CATSPERD: variants seen among roughly 807,000 people sequenced by gnomAD.
CATSPERD encodes catsper channel auxiliary subunit delta.
Under a neutral mutation model 98.1 loss-of-function variants are expected in CATSPERD, and 86 were observed. The ratio of observed to expected loss-of-function variants is 0.88; its 90% confidence interval spans 0.74 to 1.05. The LOEUF (loss-of-function observed/expected upper bound fraction) is 1.05, where lower values mean the gene tolerates loss of function less well. Among genes scored for constraint, CATSPERD ranks in the 50% least tolerant of loss-of-function variants. The pLI, the probability that CATSPERD is intolerant of heterozygous loss-of-function variation, is 0.00. For synonymous variants in CATSPERD, 394 were observed against 390.2 expected (o/e 1.01, Z -0.12); for missense variants, 995 against 1,005.7 (o/e 0.99, Z 0.14).
At chr19:5,725,434 C>T (rs1027364652) in intron 2 of CATSPERD, among the ~76,000 whole-genome samples, 7 of 152,074 alleles carry the variant, frequency 4.6e-5, no homozygotes, top group Admixed American at 2.0e-4. Flanking sequence ...TACAGACGTT[C>T]ACCACCGTGC....
chr19:5,729,749 T>C (rs1442915156), intron 3 of CATSPERD, 123 bp from the exon 4 acceptor site: 1 of 592,006 alleles, frequency 1.7e-6, no homozygotes, highest in African/African-American at 1.9e-5. Context: ...AAATTATATC[T>C]AAATGACTCC....
chr19:5,736,908 T>C (rs140006804), intron 5 of CATSPERD, among the ~76,000 whole-genome samples: 6,287 of 151,328 alleles, frequency 0.042, 329 homozygotes, highest in African/African-American at 0.11. Context: ...ATACAAAAAA[T>C]TAGCCGGGCG....
At chr19:5,776,688 A>G (rs2056747034) in intron 21 of CATSPERD, among the ~76,000 whole-genome samples, 1 of 152,112 alleles carries the variant, frequency 6.6e-6, no homozygotes, top group Admixed American at 6.6e-5. Flanking sequence ...AGCCTGGCCA[A>G]CCTGGTGAAA....
chr19:5,737,264 A>G, intron 6 of CATSPERD, 59 bp downstream of exon 6: 2 of 1,180,086 alleles, frequency 1.7e-6, no homozygotes, highest in Non-Finnish European at 2.5e-6. Context: ...ACAAATAATC[A>G]TGAGTAGACA....
chr19:5,768,267 C>T (rs767123568), intron 18 of CATSPERD, 25 bp downstream of exon 18: 14 of 1,603,604 alleles, frequency 8.7e-6, no homozygotes, highest in African/African-American at 1.3e-5. Flanking sequence ...CCCCGCAACA[C>T]CTGACACCCA....
chr19:5,770,995 C>T lies in CATSPERD; in HGVS notation c.1686C>T (p.His562=), dbSNP rs761355977. ...FQGQQSSEDL[H]VFYSYQQLGC... The stretch of plus-strand genomic sequence containing the variant: ...GGCAGCAGTCCTCCGAGGACCTGCA[C>T]GTGTTTTACTCCTACCAGCAGCTGG... Residue 562 remains histidine, a synonymous_variant, in exon 19 of 22, where the codon CAC becomes CAT. Coordinates refer to ENST00000381624, the MANE Select transcript of CATSPERD (RefSeq NM_152784.4). The T allele has an allele frequency of 9.3e-6, 15 of 1,613,972 alleles. No individual in the cohort carries two copies. Among genetic ancestry groups the T allele is most frequent in the East Asian group, 6.7e-5 (3 of 44,866 alleles).
intron 7 of CATSPERD, among the ~76,000 whole-genome samples, chr19:5,743,683 C>CCTCTCTCT (rs146743330): frequency 0.012 from 1,690 of 144,054 alleles, 19 homozygotes; most frequent in Non-Finnish European, 0.017. Context: ...TCTCTCTCTT[C>CCTCTCTCT]CTCTCTCTCT....
At position 5,756,051 on chromosome 19, in the gene CATSPERD, C is replaced by T. The variant is rs536118992; in HGVS notation, c.1279-1792C>T. ...ATCCCAGCACTTTGGGAGGCCAAGG[C>T]GGGCAGATTGCCTGAGGCCAGGAGT... On this transcript the variant is annotated intron_variant, in intron 13 of 21. Coordinates refer to ENST00000381624, the MANE Select transcript of CATSPERD (RefSeq NM_152784.4). Among the ~76,000 whole-genome samples, 5 of 151,946 alleles carry T rather than the reference C, an allele frequency of 3.3e-5. No homozygotes were observed. The East Asian group carries it at 5.8e-4, about 18-fold the overall frequency.
At chr19:5,759,435 G>A (rs1467348230) in intron 15 of CATSPERD, among the ~76,000 whole-genome samples, 1 of 151,526 alleles carries the variant, frequency 6.6e-6, no homozygotes, top group Non-Finnish European at 1.5e-5. Flanking sequence ...CGTAGTGGCA[G>A]GCACCTGTAA....
intron 15 of CATSPERD, among the ~76,000 whole-genome samples, chr19:5,762,058 A>ATATATTTTTTTTTT: frequency 4.8e-4 from 5 of 10,436 alleles, no homozygotes; most frequent in African/African-American, 1.6e-3. Flanking sequence ...ATATATATAT[A>ATATATTTTTTTTTT]TTTTTTTTTT....
intron 15 of CATSPERD, 116 bp downstream of exon 15, chr19:5,759,260 C>G: frequency 1.0e-6 from 1 of 967,032 alleles, no homozygotes; most frequent in Middle Eastern, 2.4e-4. Context: ...TAAAACAAGG[C>G]GATTACAACA....
intron 13 of CATSPERD, among the ~76,000 whole-genome samples, chr19:5,754,719 C>T (rs989367756): frequency 5.3e-5 from 8 of 151,706 alleles, no homozygotes; most frequent in Admixed American, 5.3e-4. Flanking sequence ...TCTTCCCCCT[C>T]GACGTGCCTC....
At chr19:5,736,722 C>G (rs1197725598) in intron 5 of CATSPERD, among the ~76,000 whole-genome samples, 1 of 151,618 alleles carries the variant, frequency 6.6e-6, no homozygotes, top group Admixed American at 6.6e-5. Context: ...GCCTGGATGA[C>G]AGAGGGGGAC....
intron 20 of CATSPERD, among the ~76,000 whole-genome samples, chr19:5,775,822 C>T (rs1486444495): frequency 6.6e-6 from 1 of 152,124 alleles, no homozygotes; most frequent in Non-Finnish European, 1.5e-5. Context: ...AGCATTCCTT[C>T]TGGGCGGCAG....
chr19:5,745,986 A>T lies in CATSPERD; in HGVS notation c.731A>T (p.Asp244Val). The change falls in exon 9 of 22, where the codon GAC becomes GTC. Residue 244 changes from aspartate (D) to valine (V), a missense_variant. Coordinates refer to ENST00000381624, the MANE Select transcript of CATSPERD (RefSeq NM_152784.4). ...TCTTTTGACTATAATGGGACTCTAG[A>T]CATCCTCATCGCCCCCGGCCAGAGA... Reference protein sequence around the residue: ...GLSFDYNGTLDILIAPGQRGI... With the variant: ...GLSFDYNGTLVILIAPGQRGI... 2.5e-6 allele frequency: 4 copies of T among 1,614,104 alleles called. No homozygotes were observed. Among genetic ancestry groups the T allele is most frequent in the Middle Eastern group, 1.7e-4 (1 of 6,054 alleles).
In CATSPERD at chr19:5,724,265, G is replaced by A. The variant is rs1374196801; in HGVS notation, c.72-543G>A. ...TTCAGTAGAGATGGGGTTTCACCAA[G>A]TTGGCCAGGTTGGTCTTGAACTGCT... is the stretch of plus-strand genomic sequence containing the variant. On this transcript the variant is annotated intron_variant, in intron 1 of 21. Coordinates refer to ENST00000381624, the MANE Select transcript of CATSPERD (RefSeq NM_152784.4). Among the ~76,000 whole-genome samples the A allele has an allele frequency of 5.9e-5, 9 of 151,832 alleles. 1 individual carries two copies. In the South Asian group the frequency reaches 8.4e-4, roughly 14 times the overall value.
chr19:5,778,682 G>A lies in CATSPERD; in HGVS notation c.*6G>A. 9 of 1,608,400 alleles carry A rather than the reference G, an allele frequency of 5.6e-6. No individual in the cohort carries two copies. The highest frequency in any genetic ancestry group is 6.8e-6 in the Non-Finnish European group (8 of 1,177,122). On this transcript the variant is annotated 3_prime_UTR_variant, in exon 22 of 22. Coordinates refer to ENST00000381624, the MANE Select transcript of CATSPERD (RefSeq NM_152784.4). ...GAGGCAGGTCTGACCACTGAGGCCGGTCCACAGGGTCCCAACCCCTTGTCT... is the reference window on the plus strand; with the variant it reads ...GAGGCAGGTCTGACCACTGAGGCCGATCCACAGGGTCCCAACCCCTTGTCT...
Position 5,751,672 on chromosome 19 carries a change from A to G in CATSPERD, c.1013A>G (p.Glu338Gly), listed in dbSNP as rs775424295. Residue 338 changes from glutamate to glycine, a missense_variant, in exon 12 of 22, where the codon GAA becomes GGA. Coordinates refer to ENST00000381624, the MANE Select transcript of CATSPERD (RefSeq NM_152784.4). ...IKFADQYIWS[E>G]DVALMFRSPG... is the part of the protein sequence containing the mutation. ...TTTGCAGACCAATACATCTGGTCAGAAGACGTGGCCCTGATGTTCAGGAGC... is the reference window on the plus strand; with the variant it reads ...TTTGCAGACCAATACATCTGGTCAGGAGACGTGGCCCTGATGTTCAGGAGC... The G allele has an allele frequency of 6.2e-7, 1 of 1,607,820 alleles. No individual in the cohort carries two copies. The highest frequency in any genetic ancestry group is 8.5e-7 in the Non-Finnish European group (1 of 1,176,110).
In CATSPERD at chr19:5,768,924, T is replaced by G. The variant is rs1599590438; in HGVS notation, c.1634+682T>G. On this transcript the variant is annotated intron_variant, in intron 18 of 21. Transcript: ENST00000381624. ...CTCACGCCTGTAATCCCTGCCGAGGTAGGCGGATCACTTGAGCTCAGGAGT... is the reference window on the plus strand; with the variant it reads ...CTCACGCCTGTAATCCCTGCCGAGGGAGGCGGATCACTTGAGCTCAGGAGT... 4.0e-5 allele frequency among the ~76,000 whole-genome samples: 6 copies of G among 151,710 alleles called. No individual in the cohort carries two copies. The South Asian group carries it at 1.3e-3, about 32-fold the overall frequency.
Sources: allele counts gnomAD v4.1 joint callset (sites outside exome capture counted in the v4.1 genomes callset), GRCh38; gene constraint gnomAD v4.1.1; transcripts MANE v1.5; gene names NCBI Gene and HGNC (gene_info 2026-07-23, HGNC 2026-07-21).